SETBP1: variants seen among roughly 807,000 people sequenced by gnomAD.
SETBP1 encodes SET-binding protein.
Under a neutral mutation model 101.0 loss-of-function variants are expected in SETBP1, and 9 were observed. The ratio of observed to expected loss-of-function variants is 0.09; its 90% CI spans 0.05 to 0.16. SETBP1 has a LOEUF of 0.16. Among genes scored for constraint, SETBP1 ranks in the 10% least tolerant of loss-of-function variants. SETBP1 has a pLI of 1.00. For synonymous variants in SETBP1, 818 were observed against 788.5 expected (o/e 1.04, Z -0.63); for missense variants, 1,858 against 2,033.8 (o/e 0.91, Z 1.66).
rs534154361 is a variant in SETBP1 at position 44,785,562 on chromosome 18, G to A, written c.487-83668G>A. ...GCTTTCTCTGGATACAAATGTCTGA[G>A]TGCTGGTGAAGAGGAGTATGTTTAT... On this transcript the variant is annotated intron_variant, in intron 2 of 5. Transcript: ENST00000649279. Among the ~76,000 whole-genome samples the A allele has an allele frequency of 5.3e-5, 8 of 152,268 alleles. 1 individual carries two copies. Among genetic ancestry groups the A allele is most frequent in the South Asian group, 4.1e-4 (2 of 4,826 alleles).
intron 3 of SETBP1, among the ~76,000 whole-genome samples, chr18:44,914,657 C>G (rs1326856265): frequency 6.6e-6 from 1 of 152,108 alleles, no homozygotes; most frequent in African/African-American, 2.4e-5. Flanking sequence ...ATGGATACCA[C>G]TGGTTACACA....
intron 2 of SETBP1, among the ~76,000 whole-genome samples, chr18:44,845,674 ATGGGCAGC>A (rs887864381): frequency 5.3e-4 from 81 of 152,258 alleles, no homozygotes; most frequent in Admixed American, 4.8e-3. Flanking sequence ...GCCTTTCCCC[ATGGGCAGC>A]TGGCTCACTG....
intron 4 of SETBP1, among the ~76,000 whole-genome samples, chr18:45,025,837 T>C (rs1016861522): frequency 1.3e-5 from 2 of 152,222 alleles, no homozygotes; most frequent in African/African-American, 4.8e-5. Flanking sequence ...GCCAAACTTC[T>C]ACAGATATGT....
chr18:44,845,723 G>A (rs535143366), intron 2 of SETBP1, among the ~76,000 whole-genome samples: 7 of 152,254 alleles, frequency 4.6e-5, no homozygotes, highest in East Asian at 1.9e-4. Flanking sequence ...ATGCAAGGCC[G>A]GGCCCCTAAC....
At chr18:44,864,866 A>G (rs641220) in intron 2 of SETBP1, among the ~76,000 whole-genome samples, 151,104 of 152,018 alleles carry the variant, frequency 0.99, 75,107 homozygotes, top group East Asian at 1. Flanking sequence ...CCTAGACACA[A>G]CAAGGCTACC....
chr18:44,985,721 C>T (rs148741796), intron 4 of SETBP1, among the ~76,000 whole-genome samples: 74 of 152,316 alleles, frequency 4.9e-4, no homozygotes, highest in African/African-American at 1.8e-3. Context: ...TGCAGGATTA[C>T]TTGTAATCTG....
At chr18:44,970,337 C>T (rs994979502) in intron 4 of SETBP1, among the ~76,000 whole-genome samples, 13 of 152,158 alleles carry the variant, frequency 8.5e-5, no homozygotes, top group African/African-American at 2.7e-4. Flanking sequence ...TAGTAACTCA[C>T]GGGGTGTGTC....
chr18:44,797,151 A>G (rs140018261), intron 2 of SETBP1, among the ~76,000 whole-genome samples: 8 of 152,326 alleles, frequency 5.3e-5, no homozygotes, highest in Non-Finnish European at 1.2e-4. Flanking sequence ...GCCTCAATGT[A>G]AAGAGAGAAC....
At chr18:44,912,711 C>A (rs796831998) in intron 3 of SETBP1, among the ~76,000 whole-genome samples, 94 of 152,268 alleles carry the variant, frequency 6.2e-4, no homozygotes, top group African/African-American at 2.2e-3. Context: ...GCCACCGTGC[C>A]TGGCCAGAAA....
At chr18:44,921,412 G>A (rs913156172) in intron 3 of SETBP1, among the ~76,000 whole-genome samples, 1 of 152,062 alleles carries the variant, frequency 6.6e-6, no homozygotes, top group African/African-American at 2.4e-5. Context: ...ACTGCCTGTT[G>A]GAACTGGGTT....
At chr18:44,845,837 G>C (rs1417504929) in intron 2 of SETBP1, among the ~76,000 whole-genome samples, 4 of 152,216 alleles carry the variant, frequency 2.6e-5, no homozygotes, top group Non-Finnish European at 5.9e-5. Flanking sequence ...TGGTGGGAGG[G>C]AATCGATGTA....
chr18:44,686,067 G>A (rs1271262491), intron 1 of SETBP1, among the ~76,000 whole-genome samples: 1 of 152,210 alleles, frequency 6.6e-6, no homozygotes, highest in East Asian at 1.9e-4. Flanking sequence ...CAATACTTAA[G>A]CAATGGCATT....
At chr18:44,728,531 C>G (rs111331860) in intron 2 of SETBP1, among the ~76,000 whole-genome samples, 2 of 152,242 alleles carry the variant, frequency 1.3e-5, no homozygotes, top group African/African-American at 4.8e-5. Flanking sequence ...AGTCATTGTA[C>G]TCATCATTAA....
chr18:44,745,881 G>A lies in SETBP1; in HGVS notation c.486+44049G>A, dbSNP rs1022541331. Among the ~76,000 whole-genome samples the A allele has an allele frequency of 3.3e-5, 5 of 152,170 alleles. No homozygotes were observed. The South Asian group carries it at 1.0e-3, about 32-fold the overall frequency. ...ATGTTCAAGGTAGTTGGTAAGAGGC[G>A]GGGTGAGCAAAATTATTTCATAGAA... On this transcript the variant is annotated intron_variant, in intron 2 of 5. Transcript: ENST00000649279.
At chr18:44,913,940 A>G (rs2070370660) in intron 3 of SETBP1, among the ~76,000 whole-genome samples, 1 of 152,144 alleles carries the variant, frequency 6.6e-6, no homozygotes, top group Non-Finnish European at 1.5e-5. Context: ...CTTTTGCAAT[A>G]CCAAACATGA....
chr18:44,898,684 G>C (rs991823438), intron 3 of SETBP1, among the ~76,000 whole-genome samples: 1 of 152,140 alleles, frequency 6.6e-6, no homozygotes, highest in Non-Finnish European at 1.5e-5. Context: ...GTTTGGAGCA[G>C]AGTAAATTCC....
intron 2 of SETBP1, among the ~76,000 whole-genome samples, chr18:44,752,388 T>C (rs2070402687): frequency 1.3e-5 from 2 of 152,152 alleles, no homozygotes; most frequent in African/African-American, 4.8e-5. Flanking sequence ...ATATATGTCA[T>C]GGTTAGAGAC....
upstream of SETBP1, chr18:44,680,243 C>T (rs1471806076): frequency 1.4e-5 from 2 of 146,982 alleles, no homozygotes; most frequent in Non-Finnish European, 3.0e-5. Context: ...CGGCGCCCCC[C>T]GAGCTAGGGC....
At chr18:44,882,867 A>G (rs557166087) in intron 3 of SETBP1, among the ~76,000 whole-genome samples, 2 of 152,294 alleles carry the variant, frequency 1.3e-5, no homozygotes, top group African/African-American at 4.8e-5. Flanking sequence ...GAGGTACTTC[A>G]GCCAGTGCAT....
Sources: gnomAD v4.1 joint callset for allele counts (sites outside exome capture counted in the v4.1 genomes callset) on GRCh38, gnomAD v4.1.1 for gene constraint, MANE v1.5 for transcripts, NCBI Gene and HGNC (gene_info 2026-07-23, HGNC 2026-07-21) for gene names.